FARP1: variants seen among roughly 807,000 people sequenced by gnomAD.
FARP1 encodes FERM, ARHGEF and pleckstrin domain-containing protein 1.
Under a neutral mutation model 128.8 loss-of-function variants are expected in FARP1, and 52 were observed. The ratio of observed to expected loss-of-function variants is 0.40; its 90% CI spans 0.32 to 0.51. The LOEUF (loss-of-function observed/expected upper bound fraction) is 0.51, where lower values mean the gene tolerates loss of function less well. FARP1 is among the 20% of genes least tolerant of loss of function. The pLI, the probability that FARP1 is intolerant of heterozygous loss-of-function variation, is 0.45. For synonymous variants in FARP1, 580 were observed against 551.8 expected (o/e 1.05, Z -0.72); for missense variants, 1,333 against 1,367.9 (o/e 0.97, Z 0.40).
At chr13:98,192,500 C>T (rs1394512198) in intron 1 of FARP1, among the ~76,000 whole-genome samples, 1 of 152,098 alleles carries the variant, frequency 6.6e-6, no homozygotes, top group Non-Finnish European at 1.5e-5. Context: ...AGGGATTCTC[C>T]TGCCTCAGCC....
intron 23 of FARP1, 66 bp downstream of exon 23, chr13:98,440,301 T>C: frequency 1.7e-6 from 2 of 1,188,242 alleles, no homozygotes; most frequent in Admixed American, 1.7e-5. Flanking sequence ...CATTTCTGCA[T>C]CTAAAGCCAC....
chr13:98,331,493 T>G (rs1188734317), intron 2 of FARP1, among the ~76,000 whole-genome samples: 1 of 152,150 alleles, frequency 6.6e-6, no homozygotes, highest in Non-Finnish European at 1.5e-5. Flanking sequence ...GAAGTTTAAG[T>G]TTTATTTTAT....
chr13:98,322,073 G>A (rs1378045287), intron 2 of FARP1, among the ~76,000 whole-genome samples: 2 of 152,184 alleles, frequency 1.3e-5, no homozygotes, highest in African/African-American at 2.4e-5. Context: ...CGAGGCTGGC[G>A]GATCACCTGA....
intron 4 of FARP1, 89 bp downstream of exon 4, chr13:98,365,526 C>A: frequency 2.3e-6 from 2 of 864,010 alleles, no homozygotes; most frequent in Non-Finnish European, 3.7e-6. Context: ...TGGCATGAAG[C>A]ACTAGAAACA....
chr13:98,251,595 A>G (rs961752749), intron 2 of FARP1, among the ~76,000 whole-genome samples: 11 of 151,566 alleles, frequency 7.3e-5, no homozygotes, highest in Non-Finnish European at 1.6e-4. Context: ...AGGCAGGAGA[A>G]TGGCTTGAAC....
rs546129843 is a variant in FARP1, at chr13:98,376,237, T to C, written c.399-1584T>C. Among the ~76,000 whole-genome samples, 44 of 152,296 alleles carry C rather than the reference T, an allele frequency of 2.9e-4. No homozygotes were observed. The East Asian group carries it at 6.8e-3, about 23-fold the overall frequency. ...CAAATATTAGATCTTATTCATTCTA[T>C]CTCATTTTTTTGGACCCATTAACTA... On this transcript the variant is annotated intron_variant, in intron 5 of 26. Coordinates refer to ENST00000319562, the MANE Select transcript of FARP1 (RefSeq NM_005766.4).
chr13:98,284,183 AT>A (rs374354092), intron 2 of FARP1, among the ~76,000 whole-genome samples: 1,663 of 147,932 alleles, frequency 0.011, 20 homozygotes, highest in African/African-American at 0.035. Flanking sequence ...TTTTTGTGTG[AT>A]TTTTTTTTTT....
intron 2 of FARP1, among the ~76,000 whole-genome samples, chr13:98,250,750 A>T (rs1365698546): frequency 1.3e-5 from 2 of 152,092 alleles, no homozygotes; most frequent in Non-Finnish European, 2.9e-5. Context: ...AAAAGAAAAA[A>T]ATATATAACA....
At chr13:98,437,815 G>A (rs558275232) in intron 19 of FARP1, 13 of 1,596,764 alleles carry the variant, frequency 8.1e-6, no homozygotes, top group African/African-American at 4.0e-5. Context: ...CAAGCCAGGC[G>A]CATCCCATGT....
chr13:98,204,946 T>TA (rs35462708), intron 1 of FARP1, among the ~76,000 whole-genome samples: 68,823 of 150,134 alleles, frequency 0.46, 17,594 homozygotes, highest in Non-Finnish European at 0.57. Flanking sequence ...AGACCCTATC[T>TA]AAAAAAAAAA....
intron 19 of FARP1, among the ~76,000 whole-genome samples, chr13:98,438,107 A>AT (rs938088180): frequency 3.9e-5 from 6 of 151,964 alleles, no homozygotes; most frequent in African/African-American, 7.3e-5. Context: ...AAAAATGATC[A>AT]TTTTTTTGTT....
At chr13:98,404,131 T>C (rs1408634828) in intron 13 of FARP1, 1 of 152,306 alleles carries the variant, frequency 6.6e-6, no homozygotes, top group African/African-American at 2.4e-5. Flanking sequence ...AGGTAGCACA[T>C]TCATTTTTCC....
At chr13:98,239,251 C>T (rs987675458) in intron 2 of FARP1, among the ~76,000 whole-genome samples, 1 of 152,166 alleles carries the variant, frequency 6.6e-6, no homozygotes, top group East Asian at 1.9e-4. Flanking sequence ...ATTAGGTTCT[C>T]TACCCTGGAC....
intron 1 of FARP1, among the ~76,000 whole-genome samples, chr13:98,199,867 A>C (rs1879820133): frequency 6.6e-6 from 1 of 152,198 alleles, no homozygotes; most frequent in Non-Finnish European, 1.5e-5. Context: ...TAAAGTTTAA[A>C]GTTTGTACTC....
intron 2 of FARP1, among the ~76,000 whole-genome samples, chr13:98,318,572 C>G (rs73559022): frequency 0.011 from 1,702 of 152,340 alleles, 47 homozygotes; most frequent in African/African-American, 0.038. Context: ...ATGAGAGCCA[C>G]AGGCTGCCCT....
chr13:98,356,478 G>A (rs946926842), intron 3 of FARP1, among the ~76,000 whole-genome samples: 5 of 151,912 alleles, frequency 3.3e-5, no homozygotes, highest in African/African-American at 1.2e-4. Context: ...GTCACTATGC[G>A]GTGCATGACT....
intron 5 of FARP1, 111 bp downstream of exon 5, chr13:98,368,306 A>T (rs988162813): frequency 3.7e-6 from 3 of 818,002 alleles, no homozygotes; most frequent in African/African-American, 3.4e-5. Flanking sequence ...CTTGACCAGC[A>T]TCTGTTCTGT....
chr13:98,379,814 A>T (rs1310357113), intron 6 of FARP1, among the ~76,000 whole-genome samples: 3 of 152,148 alleles, frequency 2.0e-5, no homozygotes, highest in Admixed American at 6.5e-5. Flanking sequence ...TTTGGTATAG[A>T]TGCAGTATTT....
intron 26 of FARP1, 192 bp from the exon 27 acceptor site, chr13:98,448,044 G>T: frequency 3.3e-6 from 2 of 607,856 alleles, no homozygotes; most frequent in South Asian, 3.9e-5. Context: ...CTGAGTGAGT[G>T]CCCAGGCCAG....
Sources: gnomAD v4.1 joint callset for allele counts (sites outside exome capture counted in the v4.1 genomes callset) on GRCh38, gnomAD v4.1.1 for gene constraint, MANE v1.5 for transcripts, NCBI Gene and HGNC (gene_info 2026-07-23, HGNC 2026-07-21) for gene names.